Variants in SLK observed in about 807,000 individuals in gnomAD.
SLK encodes the protein STE20 like kinase.
SLK carries 67 observed loss-of-function variants against 147.7 expected under a neutral mutation model. The observed-to-expected ratio is 0.45, with a 90% CI of 0.37 to 0.56. The LOEUF is 0.56. Ranked by LOEUF, SLK falls within the 20% of genes least tolerant of loss-of-function variation. SLK has a pLI of 0.00. For synonymous variants in SLK, 441 were observed against 475.0 expected, an observed-to-expected ratio of 0.93 and a Z score of 0.93; for missense variants, 1,136 against 1,438.8, an observed-to-expected ratio of 0.79 and a Z score of 3.41.
intron 9 of SLK, among the ~76,000 whole-genome samples, 180 bp from the exon 10 acceptor site, chr10:104,005,381 G>A (rs930362389): frequency 2.6e-5 from 4 of 152,122 alleles, no homozygotes; most frequent in Non-Finnish European, 5.9e-5. Flanking sequence ...GACGTTTAAG[G>A]TGTTATAACT....
intron 4 of SLK, among the ~76,000 whole-genome samples, chr10:103,995,555 T>C (rs1564655925): frequency 6.6e-6 from 1 of 150,934 alleles, no homozygotes; most frequent in Non-Finnish European, 1.5e-5. Context: ...GCCTCCTGAG[T>C]AGCTAGGATT....
At chr10:104,008,722 C>T (rs1270074801) in intron 12 of SLK, among the ~76,000 whole-genome samples, 1 of 152,124 alleles carries the variant, frequency 6.6e-6, no homozygotes, top group African/African-American at 2.4e-5. Flanking sequence ...ACATTTAAGT[C>T]CTTATATAAA....
In SLK at chr10:103,990,082, A is replaced by G. The variant is rs535403251; in HGVS notation, c.151-593A>G. Among the ~76,000 whole-genome samples the G allele has an allele frequency of 2.0e-3, 302 of 152,334 alleles. 2 individuals are homozygous for G. Among genetic ancestry groups the G allele is most frequent in the Middle Eastern group, 3.4e-3 (1 of 294 alleles). ...TACTAAGTGAAAGAAGCTAAACAGA[A>G]AGGTCTATACATACTCTGATTCCAA... On this transcript the variant is annotated intron_variant, in intron 1 of 18. Coordinates refer to ENST00000369755, the MANE Select transcript of SLK (RefSeq NM_014720.4).
At chr10:104,021,523 T>C (rs1844533635) in intron 17 of SLK, 97 bp from the exon 18 acceptor site, 2 of 661,332 alleles carry the variant, frequency 3.0e-6, no homozygotes, top group Non-Finnish European at 5.3e-6. Flanking sequence ...AATAGCATGA[T>C]ATTTGATGAG....
chr10:104,005,713 T>C, intron 10 of SLK, 22 bp downstream of exon 10: 2 of 1,602,034 alleles, frequency 1.2e-6, no homozygotes, highest in Non-Finnish European at 1.7e-6. Context: ...AACAACGTAA[T>C]TAAAACTGGT....
At position 104,000,010 on chromosome 10, in the gene SLK, T is replaced by C. The variant is rs1307034702; in HGVS notation, c.864+62T>C. 101 of 731,672 alleles carry C rather than the reference T, an allele frequency of 1.4e-4. 1 individual carries two copies. In the South Asian group the frequency reaches 1.9e-3, roughly 14 times the overall value. 45.3% of individuals were successfully genotyped at this position (731,672 alleles called of 1,614,324 possible). Reference sequence around the variant, plus strand: ...TTTAACATCTAAGAATGTAATTTCATATTCAGTGTGCTTTCTTTCCACTTA... The same window carrying C: ...TTTAACATCTAAGAATGTAATTTCACATTCAGTGTGCTTTCTTTCCACTTA... On this transcript the variant is annotated intron_variant, in intron 7 of 18. Transcript: ENST00000369755.
At chr10:104,020,064 C>T in intron 16 of SLK, 142 bp downstream of exon 16, 1 of 680,746 alleles carries the variant, frequency 1.5e-6, no homozygotes, top group South Asian at 1.9e-5. Context: ...TGGGCTGGGA[C>T]TATAGATACA....
chr10:104,011,592 C>G (rs1413264811), intron 13 of SLK, among the ~76,000 whole-genome samples: 1 of 150,562 alleles, frequency 6.6e-6, no homozygotes, highest in Non-Finnish European at 1.5e-5. Context: ...ATTGGAGTCT[C>G]GCTCTGTCTC....
At chr10:104,013,923 C>A (rs1844430234) in intron 13 of SLK, among the ~76,000 whole-genome samples, 1 of 152,136 alleles carries the variant, frequency 6.6e-6, no homozygotes, top group African/African-American at 2.4e-5. Context: ...GGGATGGAGT[C>A]ATATAACCAT....
chr10:104,003,416 T>A lies in SLK; in HGVS notation c.2238T>A (p.Asn746Lys). The change falls in exon 9 of 19, where the codon AAT (asparagine) becomes AAA (lysine). Residue 746 changes from asparagine to lysine, a missense_variant. Transcript: ENST00000369755. ...LPPESENPKE[N>K]DNDSGTGSTA... ...CAGAATCTGAGAATCCAAAGGAAAA[T>A]GATAATGATTCAGGCACTGGTTCCA... 6.2e-7 allele frequency: 1 copy of A among 1,613,914 alleles called. No homozygotes were observed. Among genetic ancestry groups the A allele is most frequent in the Non-Finnish European group, 8.5e-7 (1 of 1,179,892 alleles).
Position 103,992,662 on chromosome 10 carries a change from T to C in SLK, c.364+16T>C. 6.3e-7 allele frequency: 1 copy of C among 1,595,952 alleles called. No homozygotes were observed. The highest frequency in any genetic ancestry group is 1.1e-5 in the South Asian group (1 of 87,936). Reference sequence around the variant, plus strand: ...GTGATGCTTGGTAAATACCTTTTTGTTCTTTCTGTTCATATCTTAAATTAT... The same window carrying C: ...GTGATGCTTGGTAAATACCTTTTTGCTCTTTCTGTTCATATCTTAAATTAT... On this transcript the variant is annotated intron_variant, in intron 3 of 18. Coordinates refer to ENST00000369755, the MANE Select transcript of SLK (RefSeq NM_014720.4).
At chr10:103,979,286 G>A (rs1843910602) in intron 1 of SLK, among the ~76,000 whole-genome samples, 1 of 152,172 alleles carries the variant, frequency 6.6e-6, no homozygotes, top group Non-Finnish European at 1.5e-5. Flanking sequence ...CAAAGTGCTG[G>A]GATTATAGGC....
Position 103,994,563 on chromosome 10 carries a change from G to A in SLK, c.514+1430G>A, listed in dbSNP as rs1222386306. 2.6e-5 allele frequency among the ~76,000 whole-genome samples: 4 copies of A among 152,024 alleles called. No individual in the cohort carries two copies. The East Asian group carries it at 7.7e-4, about 29-fold the overall frequency. ...TGAGGGCAATATCACCCACATGGGT[G>A]CAAAAATTAGTTCTTTAGGGCCAAA... On this transcript the variant is annotated intron_variant, in intron 4 of 18. Coordinates refer to ENST00000369755, the MANE Select transcript of SLK (RefSeq NM_014720.4).
intron 4 of SLK, among the ~76,000 whole-genome samples, chr10:103,996,810 T>C (rs1258449287): frequency 6.6e-6 from 1 of 152,240 alleles, no homozygotes; most frequent in Non-Finnish European, 1.5e-5. Flanking sequence ...ATTGACTTGC[T>C]TCTTTAGAGA....
chr10:104,015,841 G>T lies in SLK; in HGVS notation c.2878-2319G>T, dbSNP rs372541217. Among the ~76,000 whole-genome samples, 44 of 151,698 alleles carry T rather than the reference G, an allele frequency of 2.9e-4. 1 individual carries two copies. Among genetic ancestry groups the T allele is most frequent in the African/African-American group, 8.7e-4 (36 of 41,342 alleles). On this transcript the variant is annotated intron_variant, in intron 13 of 18. Transcript: ENST00000369755. ...CACCCCATCCTTTACTTTTGTGTTT[G>T]ATTTTTTTGTGCCTAAATGTAAGAT...
chr10:104,010,684 A>G, intron 12 of SLK, 132 bp from the exon 13 acceptor site: 1 of 496,152 alleles, frequency 2.0e-6, no homozygotes. Flanking sequence ...CCAGACTAAC[A>G]CCTATGCTAA....
In SLK at chr10:104,027,113, A is replaced by G. The variant is rs1342258090; in HGVS notation, c.*1393A>G. ...ATTGTGAAAGTTTGTTTTCAGTTAT[A>G]TTACTTTTGAGGCTGGTGAAAAATT... On this transcript the variant is annotated 3_prime_UTR_variant, in exon 19 of 19. Coordinates refer to ENST00000369755, the MANE Select transcript of SLK (RefSeq NM_014720.4). The G allele has an allele frequency of 6.6e-6, 1 of 152,402 alleles. No homozygotes were observed. The highest frequency in any genetic ancestry group is 2.1e-4 in the South Asian group (1 of 4,832). The allele number at this position is 152,402 out of a possible 1,614,324, so 9.4% of individuals were successfully genotyped here.
chr10:104,027,739 T>TGC lies in SLK; in HGVS notation c.*2022_*2023dup, dbSNP rs1361590002. ...CTAGTATCATTTAATTGATACCCTG[T>TGC]GCGCTAAATAGTGTGTGGTGCCTGA... On this transcript the variant is annotated 3_prime_UTR_variant, in exon 19 of 19. Coordinates refer to ENST00000369755, the MANE Select transcript of SLK (RefSeq NM_014720.4). The TGC allele has an allele frequency of 1.3e-5, 2 of 152,156 alleles. No individual in the cohort carries two copies. The allele number at this position is 152,156 out of a possible 1,614,324, so 9.4% of individuals were successfully genotyped here.
At chr10:104,006,904 C>T (rs1844333903) in intron 11 of SLK, among the ~76,000 whole-genome samples, 1 of 152,122 alleles carries the variant, frequency 6.6e-6, no homozygotes, top group Non-Finnish European at 1.5e-5. Flanking sequence ...CCCCATCATA[C>T]TTTCTAAAAT....
Sources: allele counts gnomAD v4.1 joint callset (sites outside exome capture counted in the v4.1 genomes callset), GRCh38; gene constraint gnomAD v4.1.1; transcripts MANE v1.5; gene names NCBI Gene and HGNC (gene_info 2026-07-23, HGNC 2026-07-21).